Variants in LRRC4C observed in about 807,000 individuals in gnomAD.
The protein encoded by LRRC4C is leucine rich repeat containing 4C.
Under a neutral mutation model 33.6 loss-of-function variants are expected in LRRC4C, and 5 were observed. The ratio of observed to expected loss-of-function variants is 0.15; its 90% CI spans 0.08 to 0.31. LRRC4C has a LOEUF of 0.31. LRRC4C is among the 10% of genes least tolerant of loss of function. The pLI is 1.00. For missense variants in LRRC4C, 560 were observed against 796.7 expected, an observed-to-expected ratio of 0.70 and a Z score of 3.58; for synonymous variants, 329 against 302.0, an observed-to-expected ratio of 1.09 and a Z score of -0.93.
intron 1 of LRRC4C, among the ~76,000 whole-genome samples, chr11:41,181,340 T>C (rs1374228141): frequency 1.3e-5 from 2 of 151,930 alleles, no homozygotes. Context: ...ACTGAAACAG[T>C]GATCTCTGGA....
chr11:40,605,182 G>A (rs1960442674), intron 3 of LRRC4C, among the ~76,000 whole-genome samples: 1 of 152,098 alleles, frequency 6.6e-6, no homozygotes, highest in Non-Finnish European at 1.5e-5. Flanking sequence ...TGTAAGAGTA[G>A]CATCAGCAAG....
intron 2 of LRRC4C, among the ~76,000 whole-genome samples, chr11:40,781,919 A>G (rs1024343110): frequency 1.3e-5 from 2 of 152,172 alleles, no homozygotes; most frequent in Non-Finnish European, 2.9e-5. Context: ...GTAATTAACA[A>G]AGCCATCACT....
chr11:40,992,053 T>C (rs1853613883), intron 1 of LRRC4C, among the ~76,000 whole-genome samples: 1 of 152,192 alleles, frequency 6.6e-6, no homozygotes, highest in South Asian at 2.1e-4. Flanking sequence ...AAATTAACCT[T>C]TTAAAAACAT....
At chr11:40,846,018 ATGTT>A (rs1953142189) in intron 2 of LRRC4C, among the ~76,000 whole-genome samples, 1 of 44,370 alleles carries the variant, frequency 2.3e-5, no homozygotes, top group African/African-American at 6.7e-5. Context: ...CCACTTTCTG[ATGTT>A]TTTTTTTTTT....
intron 2 of LRRC4C, among the ~76,000 whole-genome samples, chr11:40,911,993 A>G (rs972820188): frequency 6.6e-6 from 1 of 152,196 alleles, no homozygotes; most frequent in African/African-American, 2.4e-5. Context: ...GGAAGTTGAG[A>G]GACAAAAGAA....
chr11:41,036,017 T>C (rs754573505), intron 1 of LRRC4C, among the ~76,000 whole-genome samples: 8 of 152,048 alleles, frequency 5.3e-5, no homozygotes, highest in Non-Finnish European at 1.2e-4. Flanking sequence ...TCCTTGGAAT[T>C]TACGTTTAGG....
At chr11:40,319,110 C>T (rs901602345) in intron 4 of LRRC4C, among the ~76,000 whole-genome samples, 5 of 152,252 alleles carry the variant, frequency 3.3e-5, no homozygotes, top group African/African-American at 2.4e-5. Context: ...TACTCCTTCC[C>T]CATTTCTATT....
Position 40,578,140 on chromosome 11 carries a change from G to GTTTTTTTTTTTTTTTTTTTTTTT in LRRC4C, c.-270+70001_-270+70002insAAAAAAAAAAAAAAAAAAAAAAA. Among the ~76,000 whole-genome samples, 61 of 40,570 alleles carry GTTTTTTTTTTTTTTTTTTTTTTT rather than the reference G, an allele frequency of 1.5e-3. 28 individuals carry two copies. Among genetic ancestry groups the GTTTTTTTTTTTTTTTTTTTTTTT allele is most frequent in the African/African-American group, 3.1e-3 (22 of 7,096 alleles). 26.6% of individuals were successfully genotyped at this position (40,570 alleles called of 152,430 possible). A position where few individuals can be genotyped will look rare whatever the true frequency, so the allele number is the denominator to read the frequency against. On this transcript the variant is annotated intron_variant, in intron 3 of 6. Transcript: ENST00000528697. Reference sequence around the variant, plus strand: ...TGATATTATTGGACTTTTTTTTTTCGGTTTTTTTTTTTTTTTTTTTTTTTT... The same window carrying GTTTTTTTTTTTTTTTTTTTTTTT: ...TGATATTATTGGACTTTTTTTTTTCGTTTTTTTTTTTTTTTTTTTTTTTGTTTTTTTTTTTTTTTTTTTTTTTT...
chr11:40,628,306 T>G (rs1355194855), intron 3 of LRRC4C, among the ~76,000 whole-genome samples: 2 of 151,778 alleles, frequency 1.3e-5, no homozygotes, highest in Non-Finnish European at 1.5e-5. Flanking sequence ...TGAAACCCCG[T>G]CTCTACTAAA....
intron 4 of LRRC4C, among the ~76,000 whole-genome samples, chr11:40,297,866 T>C (rs1944589273): frequency 6.6e-6 from 1 of 152,182 alleles, no homozygotes; most frequent in Admixed American, 6.5e-5. Context: ...AGAGGCAAGA[T>C]TGTAACTCAG....
intron 3 of LRRC4C, among the ~76,000 whole-genome samples, chr11:40,564,191 A>T (rs1957664623): frequency 6.6e-6 from 1 of 152,188 alleles, no homozygotes; most frequent in Non-Finnish European, 1.5e-5. Context: ...AAAAGACCAT[A>T]GGGAATGGGC....
intron 4 of LRRC4C, among the ~76,000 whole-genome samples, chr11:40,269,037 T>C (rs1306901849): frequency 2.6e-5 from 4 of 152,216 alleles, no homozygotes. Context: ...TTAAAGCCTC[T>C]GTGTTTTAGA....
chr11:41,281,102 T>TCACACA (rs780934160), intron 1 of LRRC4C, among the ~76,000 whole-genome samples: 124 of 113,516 alleles, frequency 1.1e-3, no homozygotes, highest in Non-Finnish European at 1.7e-3. Flanking sequence ...TCTCTCTCTC[T>TCACACA]CTCACACACA....
intron 3 of LRRC4C, among the ~76,000 whole-genome samples, chr11:40,516,237 G>C (rs1955555028): frequency 6.6e-6 from 1 of 151,786 alleles, no homozygotes. Context: ...AATCTTATAA[G>C]GTAAAAATAA....
chr11:40,348,069 G>A (rs957792647), intron 3 of LRRC4C, among the ~76,000 whole-genome samples: 2 of 152,132 alleles, frequency 1.3e-5, no homozygotes, highest in Non-Finnish European at 2.9e-5. Context: ...TGTGTTATAT[G>A]GGCATGGATC....
chr11:40,480,255 T>C (rs1217472799), intron 3 of LRRC4C, among the ~76,000 whole-genome samples: 1 of 151,870 alleles, frequency 6.6e-6, no homozygotes, highest in African/African-American at 2.4e-5. Flanking sequence ...ACCAGCTAGG[T>C]AACACTGTGA....
intron 2 of LRRC4C, among the ~76,000 whole-genome samples, chr11:40,767,579 A>G (rs570642588): frequency 1.9e-4 from 29 of 152,228 alleles, no homozygotes; most frequent in African/African-American, 6.7e-4. Context: ...TCAGCCATAA[A>G]ACAAGTCTTA....
chr11:40,839,852 T>C (rs1287245680), intron 2 of LRRC4C, among the ~76,000 whole-genome samples: 1 of 152,098 alleles, frequency 6.6e-6, no homozygotes, highest in East Asian at 1.9e-4. Context: ...TTTAATTCCA[T>C]AAAAAATAAT....
chr11:41,205,223 T>C (rs1299170401), intron 1 of LRRC4C, among the ~76,000 whole-genome samples: 2 of 152,206 alleles, frequency 1.3e-5, no homozygotes, highest in South Asian at 4.1e-4. Context: ...TACAGAGCTA[T>C]ATAAACTATG....
Sources: gnomAD v4.1 joint callset for allele counts (sites outside exome capture counted in the v4.1 genomes callset) on GRCh38, gnomAD v4.1.1 for gene constraint, MANE v1.5 for transcripts, NCBI Gene and HGNC (gene_info 2026-07-23, HGNC 2026-07-21) for gene names.